IQANK1: variants seen among roughly 807,000 people sequenced by gnomAD.
IQANK1 encodes IQ motif and ankyrin repeat domain-containing protein 1.
In IQANK1, 30 loss-of-function variants were observed where a neutral mutation model predicts 22.6. The ratio of observed to expected loss-of-function variants is 1.33; its 90% CI spans 0.99 to 1.80. The LOEUF is 1.80. Ranked by LOEUF, IQANK1 falls within the 40% of genes most tolerant of loss-of-function variation. The probability of loss-of-function intolerance (pLI) is 0.00; values close to 1 mark genes in which losing one functional copy is unlikely to be tolerated. For missense variants in IQANK1, 275 were observed against 235.2 expected (o/e 1.17, Z -1.11); for synonymous variants, 122 against 99.6 (o/e 1.23, Z -1.34).
rs545067227 is a variant in IQANK1 at position 143,767,001 on chromosome 8, G to C, written c.176-4487G>C. Among the ~76,000 whole-genome samples the C allele has an allele frequency of 2.6e-5, 4 of 152,366 alleles. No individual in the cohort carries two copies. The South Asian group carries it at 8.3e-4, about 32-fold the overall frequency. Reference sequence around the variant, plus strand: ...GGAAGTGCCCATATGCCCGGGGGCTGTTTCTGAACCCACGGCCACTGGTCT... The same window carrying C: ...GGAAGTGCCCATATGCCCGGGGGCTCTTTCTGAACCCACGGCCACTGGTCT... On this transcript the variant is annotated intron_variant, in intron 3 of 13. Transcript: ENST00000527139.
At chr8:143,744,022 C>G in intron 3 of IQANK1, 1 of 314,498 alleles carries the variant, frequency 3.2e-6, no homozygotes, top group Admixed American at 4.5e-5. Context: ...TTAGTAGAGA[C>G]AGGGTTTCAC....
At chr8:143,738,797 C>A (rs368856111) in intron 2 of IQANK1, among the ~76,000 whole-genome samples, 2 of 152,368 alleles carry the variant, frequency 1.3e-5, no homozygotes, top group Admixed American at 1.3e-4. Flanking sequence ...CGCACTGACC[C>A]TCAGGGCCCA....
At chr8:143,785,589 T>C (rs1043842774) in intron 7 of IQANK1, among the ~76,000 whole-genome samples, 4 of 152,062 alleles carry the variant, frequency 2.6e-5, no homozygotes, top group African/African-American at 9.7e-5. Flanking sequence ...AGACAGGGTC[T>C]TGCTCTGTCA....
chr8:143,749,438 TAATTATA>T (rs1819137844), intron 3 of IQANK1, among the ~76,000 whole-genome samples: 1 of 134,772 alleles, frequency 7.4e-6, no homozygotes, highest in Non-Finnish European at 1.5e-5. Context: ...ATCTCATATA[TAATTATA>T]TATTATATAT....
chr8:143,789,304 G>A (rs539833365), intron 9 of IQANK1, 61 bp downstream of exon 9: 24 of 421,582 alleles, frequency 5.7e-5, no homozygotes, highest in African/African-American at 2.6e-4. Flanking sequence ...GGGGAGGAGG[G>A]GGAGCCGAGG....
chr8:143,737,748 G>C (rs992800343), intron 2 of IQANK1, among the ~76,000 whole-genome samples: 1 of 152,166 alleles, frequency 6.6e-6, no homozygotes, highest in African/African-American at 2.4e-5. Context: ...TGCTCCTCCT[G>C]TAGCTGCTGC....
chr8:143,738,489 T>C (rs1236781176), intron 2 of IQANK1, among the ~76,000 whole-genome samples: 1 of 152,128 alleles, frequency 6.6e-6, no homozygotes, highest in South Asian at 2.1e-4. Flanking sequence ...AGGGAGTTTA[T>C]AGGGACTCCA....
Position 143,790,178 on chromosome 8 carries a change from T to G in IQANK1, c.1331T>G (p.Phe444Cys). Residue 444 changes from phenylalanine (F) to cysteine (C), a missense_variant, in exon 13 of 14, where the codon TTC (phenylalanine) becomes TGC (cysteine). By Grantham distance (205) the Phe-to-Cys change is radical (BLOSUM62 -2). Transcript: ENST00000527139. ...GACCCTTTGGGCCAGGCGGCCACCT[T>G]CCTGCGCTACCAGGATACCAACTAT... is the stretch of plus-strand genomic sequence containing the variant. ...VIDPLGQAAT[F>C]LRYQDTNYVD... The G allele has an allele frequency of 8.1e-7, 1 of 1,232,056 alleles. No individual in the cohort carries two copies. The highest frequency in any genetic ancestry group is 1.0e-6 in the Non-Finnish European group (1 of 988,006). 76.3% of individuals were successfully genotyped at this position (1,232,056 alleles called of 1,614,324 possible).
At chr8:143,755,526 G>C (rs1554628396) in intron 3 of IQANK1, among the ~76,000 whole-genome samples, 4 of 152,042 alleles carry the variant, frequency 2.6e-5, no homozygotes, top group African/African-American at 2.4e-5. Flanking sequence ...ACCATGCCAG[G>C]CTAATTTTTG....
At chr8:143,740,681 A>G (rs755597445) in intron 3 of IQANK1, among the ~76,000 whole-genome samples, 25 of 152,182 alleles carry the variant, frequency 1.6e-4, no homozygotes, top group Non-Finnish European at 2.5e-4. Flanking sequence ...GGCATGGGCC[A>G]TGCTGGCCGC....
chr8:143,789,655 C>A, intron 10 of IQANK1, 106 bp from the exon 11 acceptor site: 1 of 1,209,746 alleles, frequency 8.3e-7, no homozygotes. Flanking sequence ...AGTCACCAGC[C>A]GACAGTGGCC....
chr8:143,781,260 A>G (rs1554630914), intron 7 of IQANK1, among the ~76,000 whole-genome samples: 1 of 152,126 alleles, frequency 6.6e-6, no homozygotes. Flanking sequence ...ATGCTCTCCC[A>G]TTCTGTAGGT....
rs1263792752 is a variant in IQANK1 at position 143,767,660 on chromosome 8, T to C, written c.176-3828T>C. Among the ~76,000 whole-genome samples, 3 of 151,978 alleles carry C rather than the reference T, an allele frequency of 2.0e-5. No homozygotes were observed. In the East Asian group the frequency reaches 5.9e-4, roughly 30 times the overall value. ...CCATATTGCATTTATTTGCTGTTTC[T>C]GCATAGTTACCTGTAGTCTGTAACT... On this transcript the variant is annotated intron_variant, in intron 3 of 13. Transcript: ENST00000527139.
In IQANK1 at chr8:143,789,484, C is replaced by G; in HGVS notation, c.1042C>G (p.Gln348Glu). The change falls in exon 10 of 14, where the codon CAG becomes GAG. Residue 348 changes from glutamine (Q) to glutamate (E), a missense_variant. Coordinates refer to ENST00000527139, the MANE Select transcript of IQANK1 (RefSeq NM_001381874.1). ...TAGCCGGAGGATCTCAGAGCACGAC[C>G]AGTGTGAGTGGAGGTGCATGGACAA... ...ELSRRISEHD[Q>E]CEWRCMDKTK... 1 of 1,232,244 alleles carries G rather than the reference C, an allele frequency of 8.1e-7. No homozygotes were observed. The highest frequency in any genetic ancestry group is 1.0e-6 in the Non-Finnish European group (1 of 988,192). The allele number at this position is 1,232,244 out of a possible 1,614,324, so 76.3% of individuals were successfully genotyped here. A position where few individuals can be genotyped will look rare whatever the true frequency, so the allele number is the denominator to read the frequency against.
At chr8:143,788,337 G>A (rs1563782530) in intron 7 of IQANK1, among the ~76,000 whole-genome samples, 1 of 152,210 alleles carries the variant, frequency 6.6e-6, no homozygotes, top group Admixed American at 6.5e-5. Context: ...GACAAGGAGG[G>A]CCAGGCACAG....
intron 3 of IQANK1, among the ~76,000 whole-genome samples, chr8:143,755,367 C>CATTT (rs1265834658): frequency 6.6e-6 from 1 of 152,196 alleles, no homozygotes; most frequent in African/African-American, 2.4e-5. Flanking sequence ...TATTTTATTT[C>CATTT]ATTTATTTAT....
rs370089164 is a variant in IQANK1, at chr8:143,740,887, G to A, written c.175+939G>A. On this transcript the variant is annotated intron_variant, in intron 3 of 13. Transcript: ENST00000527139. ...CTCAGGGGTGCGGGAGCACCTCCGC[G>A]GAAGGCCCCGTGGTATGTCAGTGGT... Among the ~76,000 whole-genome samples, 137 of 152,368 alleles carry A rather than the reference G, an allele frequency of 9.0e-4. 2 individuals carry two copies. The highest frequency in any genetic ancestry group is 3.1e-3 in the African/African-American group (131 of 41,598).
At chr8:143,778,919 G>A (rs1485132061) in intron 7 of IQANK1, among the ~76,000 whole-genome samples, 2 of 151,992 alleles carry the variant, frequency 1.3e-5, no homozygotes, top group African/African-American at 4.8e-5. Context: ...GCGCCACCAC[G>A]CCCAGCTAAT....
intron 3 of IQANK1, chr8:143,742,569 G>A (rs1554626710): frequency 1.3e-5 from 6 of 456,108 alleles, no homozygotes; most frequent in Middle Eastern, 6.5e-4. Flanking sequence ...GGGCTGCCCA[G>A]GGGTGTGATG....
Sources: allele counts gnomAD v4.1 joint callset (sites outside exome capture counted in the v4.1 genomes callset), GRCh38; gene constraint gnomAD v4.1.1; transcripts MANE v1.5; gene names NCBI Gene and HGNC (gene_info 2026-07-23, HGNC 2026-07-21).